Variants in FBXL3 observed in about 807,000 individuals in gnomAD.
FBXL3 encodes the protein F-box/LRR-repeat protein 3.
A neutral mutation model predicts 37.9 loss-of-function variants in FBXL3; 14 were observed. The observed-to-expected ratio is 0.37, with a 90% CI of 0.24 to 0.58. The LOEUF is 0.58. Among genes scored for constraint, FBXL3 ranks in the 20% least tolerant of loss-of-function variants. The pLI is 0.74. For missense variants in FBXL3, 327 were observed against 511.1 expected (o/e 0.64, Z 3.47); for synonymous variants, 194 against 180.1 (o/e 1.08, Z -0.62).
At chr13:77,018,914 C>G in intron 2 of FBXL3, 192 bp from the exon 3 acceptor site, 1 of 447,070 alleles carries the variant, frequency 2.2e-6, no homozygotes. Flanking sequence ...CCACCCTCCA[C>G]CCTCACCTCC....
At chr13:77,025,820 C>T (rs1195198670) in intron 1 of FBXL3, among the ~76,000 whole-genome samples, 1 of 151,832 alleles carries the variant, frequency 6.6e-6, no homozygotes, top group Admixed American at 6.6e-5. Flanking sequence ...TTTAAATGCT[C>T]ATTTGTAGTT....
chr13:77,024,035 GAAC>G (rs1243684608), intron 1 of FBXL3, among the ~76,000 whole-genome samples: 1 of 152,162 alleles, frequency 6.6e-6, no homozygotes, highest in Non-Finnish European at 1.5e-5. Context: ...ATCAGGGAGA[GAAC>G]AAGAGAGAAA....
intron 2 of FBXL3, among the ~76,000 whole-genome samples, chr13:77,020,514 A>T (rs528350181): frequency 6.6e-6 from 1 of 152,280 alleles, no homozygotes; most frequent in East Asian, 1.9e-4. Flanking sequence ...TATGGCCAGA[A>T]GCTCTGGGTT....
In FBXL3 at chr13:77,026,926, C is replaced by G. The variant is rs1326495335; in HGVS notation, c.-101G>C. 1 of 151,600 alleles carries G rather than the reference C, an allele frequency of 6.6e-6. No homozygotes were observed. The highest frequency in any genetic ancestry group is 1.5e-5 in the Non-Finnish European group (1 of 67,902). 9.4% of individuals were successfully genotyped at this position (151,600 alleles called of 1,614,324 possible). ...CTCACATGAGGCGCCCCTGGCCCCC[C>G]GCTTCGCGCTCCCGCAGCCGCGGCC... On this transcript the variant is annotated 5_prime_UTR_variant, in exon 1 of 5. Coordinates refer to ENST00000355619, the MANE Select transcript of FBXL3 (RefSeq NM_012158.4).
chr13:77,018,968 T>C, intron 2 of FBXL3: 2 of 318,712 alleles, frequency 6.3e-6, no homozygotes, highest in Non-Finnish European at 1.1e-5. Flanking sequence ...ATAAGGGCAA[T>C]TGTCAAGACA....
At position 77,018,649 on chromosome 13, in the gene FBXL3, G is replaced by A; in HGVS notation, c.422C>T (p.Thr141Ile). 6.3e-7 allele frequency: 1 copy of A among 1,597,480 alleles called. No homozygotes were observed. The highest frequency in any genetic ancestry group is 8.5e-7 in the Non-Finnish European group (1 of 1,172,784). The change falls in exon 3 of 5, where the codon ACA (threonine) becomes ATA (isoleucine). Residue 141 changes from threonine to isoleucine, a missense_variant. Physicochemically the swap from Thr to Ile is moderately conservative, Grantham distance 89. Transcript: ENST00000355619. ...LSQLVNCSLK[T>I]LGLISTARPS... ...TCGAGCAGTTGAAATAAGTCCAAGT[G>A]TTTTTAAAGAGCAATTCACAAGTTG... is the stretch of plus-strand genomic sequence containing the variant.
chr13:77,014,135 G>A (rs1452236242), intron 4 of FBXL3: 3 of 152,260 alleles, frequency 2.0e-5, no homozygotes, highest in African/African-American at 7.2e-5. Context: ...CTGAAGCCTG[G>A]GCTGGCTGGA....
chr13:77,016,337 T>C (rs2034642349), intron 3 of FBXL3: 2 of 152,180 alleles, frequency 1.3e-5, no homozygotes, highest in Admixed American at 1.3e-4. Flanking sequence ...ATTCTCAAAG[T>C]ATGCAGCTCT....
At chr13:77,021,882 GT>G (rs974275977) in intron 1 of FBXL3, 21 bp from the exon 2 acceptor site, 4 of 1,550,946 alleles carry the variant, frequency 2.6e-6, no homozygotes, top group Non-Finnish European at 3.5e-6. Flanking sequence ...AAATGCATCA[GT>G]TTTTTTCCTA....
At position 77,006,196 on chromosome 13, in the gene FBXL3, A is replaced by G. The variant is rs938868522; in HGVS notation, c.*949T>C. 1 of 152,520 alleles carries G rather than the reference A, an allele frequency of 6.6e-6. No individual in the cohort carries two copies. The highest frequency in any genetic ancestry group is 1.5e-5 in the Non-Finnish European group (1 of 67,960). 9.4% of individuals were successfully genotyped at this position (152,520 alleles called of 1,614,324 possible). On this transcript the variant is annotated 3_prime_UTR_variant, in exon 5 of 5. Transcript: ENST00000355619. ...TAATTCCAAAATAGAAAAGTGAGTG[A>G]GCCATCACTAAAATTTACTGGAAAC...
intron 2 of FBXL3, 70 bp downstream of exon 2, chr13:77,021,443 G>A (rs2034741854): frequency 1.7e-6 from 2 of 1,163,454 alleles, no homozygotes; most frequent in Admixed American, 2.5e-5. Flanking sequence ...GGCATGAGAA[G>A]ATGTACTGGT....
At chr13:77,011,936 C>T (rs1374850635) in intron 4 of FBXL3, among the ~76,000 whole-genome samples, 4 of 152,040 alleles carry the variant, frequency 2.6e-5, no homozygotes, top group Admixed American at 1.3e-4. Context: ...TAGGTATGTA[C>T]CTAAGAGAAA....
chr13:77,020,347 C>T (rs921360133), intron 2 of FBXL3, among the ~76,000 whole-genome samples: 4 of 152,214 alleles, frequency 2.6e-5, no homozygotes, highest in African/African-American at 7.2e-5. Context: ...GTGGCCTAAG[C>T]GCCTTTGTGC....
Position 77,021,680 on chromosome 13 carries a change from G to C in FBXL3, c.181C>G (p.Gln61Glu). The C allele has an allele frequency of 6.2e-7, 1 of 1,614,098 alleles. No individual in the cohort carries two copies. Among genetic ancestry groups the C allele is most frequent in the Non-Finnish European group, 8.5e-7 (1 of 1,180,012 alleles). Residue 61 changes from glutamine to glutamate, a missense_variant, in exon 2 of 5, where the codon CAA becomes GAA. Physicochemically the swap from Gln to Glu is conservative, Grantham distance 29 (BLOSUM62 2). Transcript: ENST00000355619. The stretch of plus-strand genomic sequence containing the variant: ...ACCTGGTTCCAGTTGCGGCAAACTT[G>C]TGAAGCATGAGCCCGGTCAAGAAGA... The part of the protein sequence containing the change: ...LPLLDRAHAS[Q>E]VCRNWNQVFH...
intron 4 of FBXL3, chr13:77,013,367 C>T (rs900395428): frequency 2.6e-5 from 4 of 152,168 alleles, no homozygotes; most frequent in Non-Finnish European, 5.9e-5. Flanking sequence ...TCCAAACTAG[C>T]TACAAGATTA....
intron 4 of FBXL3, among the ~76,000 whole-genome samples, chr13:77,011,324 CAAG>C (rs1436831475): frequency 1.8e-5 from 2 of 110,116 alleles, no homozygotes; most frequent in African/African-American, 4.1e-5. Flanking sequence ...GCCTGGGCAA[CAAG>C]AAGGAGACTT....
At chr13:77,023,277 A>C (rs1477433139) in intron 1 of FBXL3, among the ~76,000 whole-genome samples, 1 of 152,056 alleles carries the variant, frequency 6.6e-6, no homozygotes, top group Non-Finnish European at 1.5e-5. Context: ...CTTCCACCTC[A>C]GCCTCCAGAG....
intron 1 of FBXL3, 92 bp from the exon 2 acceptor site, chr13:77,021,953 TA>T (rs2034752606): frequency 2.0e-6 from 2 of 1,014,418 alleles, no homozygotes; most frequent in Non-Finnish European, 1.4e-6. Flanking sequence ...GATGTGTGTT[TA>T]TATACACAAA....
rs1240291794 is a variant in FBXL3 at position 77,020,445 on chromosome 13, A to G, written c.348+1068T>C. Among the ~76,000 whole-genome samples the G allele has an allele frequency of 2.6e-5, 4 of 152,320 alleles. No individual in the cohort carries two copies. In the East Asian group the frequency reaches 7.7e-4, roughly 29 times the overall value. ...CTCCTTGGACAGACATGGGAGAATAAGCAGGTAATCTCCACCTAAGAGGAA... is the reference window on the plus strand; with the variant it reads ...CTCCTTGGACAGACATGGGAGAATAGGCAGGTAATCTCCACCTAAGAGGAA... On this transcript the variant is annotated intron_variant, in intron 2 of 4. Transcript: ENST00000355619.
Sources: allele counts gnomAD v4.1 joint callset (sites outside exome capture counted in the v4.1 genomes callset), GRCh38; gene constraint gnomAD v4.1.1; transcripts MANE v1.5; gene names NCBI Gene and HGNC (gene_info 2026-07-23, HGNC 2026-07-21).